HPSE2: variants seen among roughly 807,000 people sequenced by gnomAD.
HPSE2 encodes inactive heparanase-2.
In HPSE2, 38 loss-of-function variants were observed where a neutral mutation model predicts 60.5. The observed-to-expected ratio is 0.63, with a 90% confidence interval of 0.48 to 0.82. The LOEUF (loss-of-function observed/expected upper bound fraction) is 0.82, where lower values mean the gene tolerates loss of function less well. Ranked by LOEUF, HPSE2 falls within the 40% of genes least tolerant of loss-of-function variation. The probability of loss-of-function intolerance (pLI) is 0.00; values close to 1 mark genes in which losing one functional copy is unlikely to be tolerated. For synonymous variants in HPSE2, 295 were observed against 293.2 expected (o/e 1.01, Z -0.06); for missense variants, 713 against 740.4 (o/e 0.96, Z 0.43).
intron 3 of HPSE2, among the ~76,000 whole-genome samples, chr10:98,753,959 C>T (rs1332207961): frequency 1.3e-5 from 2 of 152,182 alleles, no homozygotes; most frequent in Non-Finnish European, 2.9e-5. Context: ...TGTCTTCTTA[C>T]CTCCAAATGA....
At chr10:99,189,223 A>G (rs1428902273) in intron 2 of HPSE2, among the ~76,000 whole-genome samples, 1 of 152,250 alleles carries the variant, frequency 6.6e-6, no homozygotes, top group African/African-American at 2.4e-5. Context: ...CTTGTTTATC[A>G]TACAAGGAGG....
intron 3 of HPSE2, among the ~76,000 whole-genome samples, chr10:98,882,022 G>A (rs1449923498): frequency 6.6e-6 from 1 of 152,010 alleles, no homozygotes; most frequent in Admixed American, 6.6e-5. Flanking sequence ...GACTTTCTGT[G>A]ACCAATGGTA....
intron 3 of HPSE2, among the ~76,000 whole-genome samples, chr10:98,886,414 CA>C (rs2134906513): frequency 6.6e-6 from 1 of 152,216 alleles, no homozygotes; most frequent in Admixed American, 6.6e-5. Context: ...CAAAAATTTA[CA>C]GTGCATCTAT....
chr10:98,491,179 A>G (rs753783475), intron 9 of HPSE2, among the ~76,000 whole-genome samples: 3 of 149,394 alleles, frequency 2.0e-5, no homozygotes, highest in East Asian at 2.0e-4. Flanking sequence ...ATTAAACTTC[A>G]TATTTTCAGG....
intron 3 of HPSE2, among the ~76,000 whole-genome samples, chr10:98,994,747 G>T (rs1444012228): frequency 6.6e-6 from 1 of 152,146 alleles, no homozygotes; most frequent in East Asian, 1.9e-4. Context: ...TGGACAAGAG[G>T]CTGTAGGAAT....
In HPSE2 at chr10:98,676,971, C is replaced by A. The variant is rs570351040; in HGVS notation, c.1004+16929G>T. On this transcript the variant is annotated intron_variant, in intron 6 of 11. Transcript: ENST00000370552. Reference sequence around the variant, plus strand: ...TGTCATTAATGGTTCTCTTTCCTCCCTTTCCCTTTTAAATCATCTGCAGCA... The same window carrying A: ...TGTCATTAATGGTTCTCTTTCCTCCATTTCCCTTTTAAATCATCTGCAGCA... Among the ~76,000 whole-genome samples the A allele has an allele frequency of 2.7e-5, 4 of 150,510 alleles. No individual in the cohort carries two copies. In the South Asian group the frequency reaches 8.4e-4, roughly 31 times the overall value.
intron 3 of HPSE2, among the ~76,000 whole-genome samples, chr10:98,819,966 AT>A (rs1951386442): frequency 2.0e-5 from 3 of 152,166 alleles, no homozygotes; most frequent in Admixed American, 2.0e-4. Flanking sequence ...ACACCCTGTC[AT>A]TCCAAATCTC....
chr10:98,839,042 A>C (rs896955311), intron 3 of HPSE2, among the ~76,000 whole-genome samples: 1 of 152,208 alleles, frequency 6.6e-6, no homozygotes, highest in African/African-American at 2.4e-5. Flanking sequence ...GCCAGCAAAG[A>C]GTATGTGATT....
At chr10:98,618,523 C>A (rs1445033774) in intron 8 of HPSE2, among the ~76,000 whole-genome samples, 2 of 152,118 alleles carry the variant, frequency 1.3e-5, no homozygotes, top group South Asian at 4.1e-4. Context: ...TGGCTTCTCA[C>A]TCTTTCAACA....
rs74365675 is a variant in HPSE2 at position 98,551,600 on chromosome 10, G to A, written c.1321-61404C>T. Among the ~76,000 whole-genome samples, 1,330 of 152,144 alleles carry A rather than the reference G, an allele frequency of 8.7e-3. 17 individuals are homozygous for A. Among genetic ancestry groups the A allele is most frequent in the African/African-American group, 0.031 (1,272 of 41,478 alleles). Reference sequence around the variant, plus strand: ...TGACACAAAGACTGAAAAATGACTGGGGCTCATTCATCCCAATTGTGGCCT... The same window carrying A: ...TGACACAAAGACTGAAAAATGACTGAGGCTCATTCATCCCAATTGTGGCCT... On this transcript the variant is annotated intron_variant, in intron 9 of 11. Transcript: ENST00000370552.
chr10:99,282,273 A>G, the HPSE2 span, among the ~76,000 whole-genome samples: 1 of 152,178 alleles, frequency 6.6e-6, no homozygotes, highest in Admixed American at 6.5e-5. Flanking sequence ...AAAAGGAAAG[A>G]AAGTTACAAA....
chr10:99,045,290 A>C (rs563865517), intron 3 of HPSE2, among the ~76,000 whole-genome samples: 2 of 152,328 alleles, frequency 1.3e-5, no homozygotes, highest in South Asian at 4.1e-4. Context: ...GCAGAGATTA[A>C]AAAATTCATT....
intron 3 of HPSE2, among the ~76,000 whole-genome samples, chr10:99,080,032 A>G (rs764034475): frequency 2.0e-5 from 3 of 152,126 alleles, no homozygotes; most frequent in African/African-American, 4.8e-5. Context: ...CTGAATTTCA[A>G]TACCAGTTTT....
At chr10:99,029,871 A>G (rs1232243609) in intron 3 of HPSE2, among the ~76,000 whole-genome samples, 6 of 152,144 alleles carry the variant, frequency 3.9e-5, no homozygotes, top group Admixed American at 3.9e-4. Flanking sequence ...CCCCGGGGGA[A>G]AAGGAGACTC....
intron 3 of HPSE2, among the ~76,000 whole-genome samples, chr10:98,992,638 CTTA>C (rs1284352295): frequency 6.6e-6 from 1 of 152,138 alleles, no homozygotes; most frequent in Non-Finnish European, 1.5e-5. Flanking sequence ...AGTCAAGGAT[CTTA>C]TTATGCAAGA....
chr10:98,540,671 A>G (rs1388204766), intron 9 of HPSE2, among the ~76,000 whole-genome samples: 1 of 152,268 alleles, frequency 6.6e-6, no homozygotes, highest in Non-Finnish European at 1.5e-5. Context: ...TAACTGAAAT[A>G]GATAATGCTT....
At chr10:98,543,167 C>A (rs560514656) in intron 9 of HPSE2, among the ~76,000 whole-genome samples, 3 of 152,070 alleles carry the variant, frequency 2.0e-5, no homozygotes, top group African/African-American at 7.2e-5. Context: ...GAGTGGGGGC[C>A]AATATTCAAC....
At chr10:99,285,080 T>C in the HPSE2 span, among the ~76,000 whole-genome samples, 8 of 152,234 alleles carry the variant, frequency 5.3e-5, no homozygotes, top group African/African-American at 1.9e-4. Flanking sequence ...CAGGGGCACA[T>C]GTGCAGGGAC....
intron 2 of HPSE2, among the ~76,000 whole-genome samples, chr10:99,160,635 C>A (rs1266020403): frequency 6.6e-6 from 1 of 152,132 alleles, no homozygotes; most frequent in East Asian, 1.9e-4. Context: ...CGCGGTGGCT[C>A]ACGCCTGTAA....
Sources: gnomAD v4.1 joint callset for allele counts (sites outside exome capture counted in the v4.1 genomes callset) on GRCh38, gnomAD v4.1.1 for gene constraint, MANE v1.5 for transcripts, NCBI Gene and HGNC (gene_info 2026-07-23, HGNC 2026-07-21) for gene names.